The following FKBP5 variants were observed in gnomAD, a reference collection of about 807,000 sequenced individuals.
FKBP5 encodes FKBP prolyl isomerase 5, also known as peptidyl-prolyl cis-trans isomerase FKBP5.
FKBP5 carries 23 observed loss-of-function variants against 50.5 expected under a neutral mutation model. The ratio of observed to expected loss-of-function variants is 0.46; its 90% CI spans 0.33 to 0.65. The LOEUF is 0.65. Among genes scored for constraint, FKBP5 ranks in the 30% least tolerant of loss-of-function variants. The probability of loss-of-function intolerance (pLI) is 0.02; values close to 1 mark genes in which losing one functional copy is unlikely to be tolerated. For missense variants in FKBP5, 411 were observed against 553.1 expected, an observed-to-expected ratio of 0.74 and a Z score of 2.58; for synonymous variants, 176 against 190.6, an observed-to-expected ratio of 0.92 and a Z score of 0.63.
At chr6:35,662,946 T>C (rs955016943) in intron 1 of FKBP5, among the ~76,000 whole-genome samples, 2 of 152,182 alleles carry the variant, frequency 1.3e-5, no homozygotes, top group South Asian at 2.1e-4. Context: ...ATAATTATTA[T>C]TAGGTAGAAG....
chr6:35,577,288 A>G, intron 9 of FKBP5, 55 bp from the exon 10 acceptor site: 1 of 1,478,994 alleles, frequency 6.8e-7, no homozygotes, highest in South Asian at 1.4e-5. Flanking sequence ...AATTCAGTAA[A>G]CAGCTTACCA....
chr6:35,584,866 A>G (rs1376439318), intron 8 of FKBP5: 1 of 985,352 alleles, frequency 1.0e-6, no homozygotes, highest in African/African-American at 1.7e-5. Context: ...AATTTTAAGT[A>G]GGTTCATAAT....
chr6:35,688,042 C>T (rs896140358), intron 1 of FKBP5, among the ~76,000 whole-genome samples: 21 of 152,256 alleles, frequency 1.4e-4, no homozygotes, highest in Admixed American at 4.6e-4. Context: ...CATAAGGAGC[C>T]CTGGCACAGC....
At chr6:35,651,965 A>T (rs1409294627) in intron 1 of FKBP5, 7 of 542,916 alleles carry the variant, frequency 1.3e-5, no homozygotes, top group Non-Finnish European at 1.8e-5. Flanking sequence ...GGGACCCCAA[A>T]CGGAGGAACC....
chr6:35,646,803 G>T (rs976892166), intron 1 of FKBP5, among the ~76,000 whole-genome samples: 1 of 152,156 alleles, frequency 6.6e-6, no homozygotes, highest in Non-Finnish European at 1.5e-5. Flanking sequence ...TTCTGTTATG[G>T]ACATGGCAGA....
intron 5 of FKBP5, among the ~76,000 whole-genome samples, chr6:35,605,717 G>C (rs1029354234): frequency 6.6e-6 from 1 of 151,944 alleles, no homozygotes; most frequent in African/African-American, 2.4e-5. Context: ...ATACTGAACG[G>C]GCAAAAGTTG....
chr6:35,718,444 G>A (rs943983631), intron 2 of FKBP5, among the ~76,000 whole-genome samples: 4 of 152,186 alleles, frequency 2.6e-5, no homozygotes, highest in Admixed American at 6.5e-5. Flanking sequence ...ATCGGCTGTT[G>A]GTTTGGTTTC....
intron 1 of FKBP5, among the ~76,000 whole-genome samples, chr6:35,654,520 TA>T (rs1458787502): frequency 6.6e-6 from 1 of 152,230 alleles, no homozygotes; most frequent in Admixed American, 6.5e-5. Context: ...TACCATACCA[TA>T]CCATTGTTCA....
At chr6:35,689,493 T>C (rs1765940527), upstream of FKBP5, among the ~76,000 whole-genome samples, 1 of 152,042 alleles carries the variant, frequency 6.6e-6, no homozygotes, top group South Asian at 2.1e-4. Flanking sequence ...TACTTTCTCT[T>C]GGCTTGCTAC....
chr6:35,637,589 G>A (rs1487532637), intron 2 of FKBP5, among the ~76,000 whole-genome samples: 1 of 149,498 alleles, frequency 6.7e-6, no homozygotes, highest in Non-Finnish European at 1.5e-5. Context: ...TCAGCCTCCC[G>A]AGTAGCTGGG....
chr6:35,586,892 T>C, intron 8 of FKBP5, 142 bp downstream of exon 8: 1 of 1,502,936 alleles, frequency 6.7e-7, no homozygotes, highest in South Asian at 1.3e-5. Context: ...TTTTTCATAT[T>C]GAAAATGACA....
chr6:35,702,510 T>G (rs948081190), intron 2 of FKBP5, among the ~76,000 whole-genome samples: 31 of 151,654 alleles, frequency 2.0e-4, no homozygotes, highest in African/African-American at 7.3e-4. Context: ...TGGAGTGCAG[T>G]GGCATGATCT....
chr6:35,628,883 A>G (rs569697482), intron 3 of FKBP5, among the ~76,000 whole-genome samples: 4 of 152,174 alleles, frequency 2.6e-5, no homozygotes, highest in Non-Finnish European at 5.9e-5. Flanking sequence ...ACACCAGCTA[A>G]TTTTTGTATT....
chr6:35,714,283 C>A, intron 2 of FKBP5, among the ~76,000 whole-genome samples: 1 of 139,970 alleles, frequency 7.1e-6, no homozygotes, highest in Non-Finnish European at 1.5e-5. Context: ...GAAACCCCGT[C>A]TCTACTAAAA....
At chr6:35,581,884 A>C (rs1188014318) in intron 8 of FKBP5, 1 of 985,398 alleles carries the variant, frequency 1.0e-6, no homozygotes, top group Non-Finnish European at 1.2e-6. Flanking sequence ...CAGCGCGTAC[A>C]TCTCACTGCC....
At position 35,620,116 on chromosome 6, in the gene FKBP5, T is replaced by C. The variant is rs770820022; in HGVS notation, c.393+16A>G. ...TAGAGCAGATGCTGACAAGGCAACA[T>C]CACACACATACTTGCCTCAAAAAAG... On this transcript the variant is annotated intron_variant, in intron 4 of 10. Transcript: ENST00000357266. 6.2e-6 allele frequency: 10 copies of C among 1,614,028 alleles called. No homozygotes were observed. The Admixed American group carries it at 1.7e-4, about 27-fold the overall frequency.
intron 3 of FKBP5, among the ~76,000 whole-genome samples, chr6:35,624,903 G>A (rs893224241): frequency 1.3e-5 from 2 of 152,114 alleles, no homozygotes; most frequent in Non-Finnish European, 2.9e-5. Flanking sequence ...GCACTGACAA[G>A]GCCCACTCAC....
intron 1 of FKBP5, among the ~76,000 whole-genome samples, chr6:35,670,387 A>C (rs1184266092): frequency 6.6e-6 from 1 of 152,170 alleles, no homozygotes; most frequent in Non-Finnish European, 1.5e-5. Context: ...TTACTAACAA[A>C]ATTGGTCTGG....
At chr6:35,577,982 A>C (rs1162097019) in intron 9 of FKBP5, among the ~76,000 whole-genome samples, 1 of 141,572 alleles carries the variant, frequency 7.1e-6, no homozygotes, top group African/African-American at 2.6e-5. Context: ...TGAACCAGGG[A>C]GGTGGAGGTT....
Sources: gnomAD v4.1 joint callset for allele counts (sites outside exome capture counted in the v4.1 genomes callset) on GRCh38, gnomAD v4.1.1 for gene constraint, MANE v1.5 for transcripts, NCBI Gene and HGNC (gene_info 2026-07-23, HGNC 2026-07-21) for gene names.